ZNF385D: variants seen among roughly 807,000 people sequenced by gnomAD.
ZNF385D encodes the protein zinc finger protein 385D.
ZNF385D carries 15 observed loss-of-function variants against 35.8 expected under a neutral mutation model. The observed-to-expected ratio is 0.42, with a 90% CI of 0.28 to 0.64. The LOEUF (loss-of-function observed/expected upper bound fraction) is 0.64, where lower values mean the gene tolerates loss of function less well. Ranked by LOEUF, ZNF385D falls within the 30% of genes least tolerant of loss-of-function variation. The pLI is 0.23. For missense variants in ZNF385D, 474 were observed against 494.6 expected (o/e 0.96, Z 0.39); for synonymous variants, 212 against 186.8 (o/e 1.13, Z -1.10).
chr3:21,490,749 A>G (rs1173755848), intron 4 of ZNF385D, among the ~76,000 whole-genome samples: 1 of 151,116 alleles, frequency 6.6e-6, no homozygotes, highest in Non-Finnish European at 1.5e-5. Context: ...TTGAAAGGCC[A>G]GCACTTGGGT....
chr3:21,573,614 A>G (rs1158515456), intron 2 of ZNF385D, among the ~76,000 whole-genome samples: 1 of 152,252 alleles, frequency 6.6e-6, no homozygotes, highest in African/African-American at 2.4e-5. Context: ...TACAAAAGTT[A>G]TAAGAAACTC....
chr3:22,219,966 A>T (rs1698152294), intron 2 of ZNF385D, among the ~76,000 whole-genome samples: 2 of 152,022 alleles, frequency 1.3e-5, no homozygotes, highest in South Asian at 2.1e-4. Context: ...TTATTTTCTA[A>T]TTAACTTTCA....
chr3:21,953,363 A>C (rs943901784), intron 3 of ZNF385D, among the ~76,000 whole-genome samples: 1 of 151,906 alleles, frequency 6.6e-6, no homozygotes, highest in South Asian at 2.1e-4. Context: ...AATTGACTGG[A>C]TCTTTGAATT....
chr3:22,020,309 A>G (rs2125453990), intron 3 of ZNF385D, among the ~76,000 whole-genome samples: 1 of 152,056 alleles, frequency 6.6e-6, no homozygotes, highest in East Asian at 1.9e-4. Context: ...GCATGTATAG[A>G]TTTCAAGTAT....
At chr3:21,830,338 G>A (rs956409799) in intron 3 of ZNF385D, among the ~76,000 whole-genome samples, 1 of 152,182 alleles carries the variant, frequency 6.6e-6, no homozygotes, top group African/African-American at 2.4e-5. Context: ...TTGATGAGCT[G>A]TTTGGATGAA....
intron 3 of ZNF385D, among the ~76,000 whole-genome samples, chr3:21,995,427 G>A (rs1695403004): frequency 6.6e-6 from 1 of 152,098 alleles, no homozygotes; most frequent in African/African-American, 2.4e-5. Flanking sequence ...TTTATCCCCA[G>A]GATCTCAGAT....
chr3:22,182,886 GTTATAT>G lies in ZNF385D; in HGVS notation c.107-13857_107-13852del, dbSNP rs536270266. 8.5e-4 allele frequency among the ~76,000 whole-genome samples: 129 copies of G among 151,898 alleles called. 1 individual carries two copies. In the Middle Eastern group the frequency reaches 0.01, roughly 12 times the overall value. ...TGTAGGAGACTTTAGTAAATGTTTTGTTATATTTATATTTTGCAAATGCATTATATT... is the reference window on the plus strand; with the variant it reads ...TGTAGGAGACTTTAGTAAATGTTTTGTTATATTTTGCAAATGCATTATATT... On this transcript the variant is annotated intron_variant, in intron 2 of 5. Transcript: ENST00000494108.
chr3:22,079,875 TC>T (rs1422235069), intron 3 of ZNF385D, among the ~76,000 whole-genome samples: 1 of 151,932 alleles, frequency 6.6e-6, no homozygotes, highest in Non-Finnish European at 1.5e-5. Context: ...TTAATTTAGG[TC>T]CTTAGAGATT....
At chr3:22,299,872 T>C (rs1702802895) in intron 2 of ZNF385D, among the ~76,000 whole-genome samples, 1 of 151,850 alleles carries the variant, frequency 6.6e-6, no homozygotes, top group Admixed American at 6.6e-5. Flanking sequence ...ATATTGTTGC[T>C]AAAATGTTCA....
At chr3:22,270,875 T>G (rs1441403204) in intron 2 of ZNF385D, among the ~76,000 whole-genome samples, 3 of 152,084 alleles carry the variant, frequency 2.0e-5, no homozygotes, top group Admixed American at 2.0e-4. Flanking sequence ...CCTTTGCAAT[T>G]CTGAAATAAA....
chr3:21,940,854 T>A (rs1002760615), intron 3 of ZNF385D, among the ~76,000 whole-genome samples: 2 of 152,162 alleles, frequency 1.3e-5, no homozygotes, highest in African/African-American at 4.8e-5. Context: ...ACAGAAATAG[T>A]TTTGAATACT....
intron 3 of ZNF385D, among the ~76,000 whole-genome samples, chr3:21,861,757 T>G (rs1697066021): frequency 6.6e-6 from 1 of 152,160 alleles, no homozygotes; most frequent in South Asian, 2.1e-4. Context: ...AGATGGAATC[T>G]GCTTTGTCTT....
At chr3:22,101,970 T>A (rs1451157810) in intron 3 of ZNF385D, among the ~76,000 whole-genome samples, 1 of 151,300 alleles carries the variant, frequency 6.6e-6, no homozygotes, top group Non-Finnish European at 1.5e-5. Context: ...TTTCATAGGA[T>A]CTAGTATCCT....
intron 4 of ZNF385D, among the ~76,000 whole-genome samples, chr3:21,493,545 A>C (rs375184259): frequency 5.9e-5 from 9 of 152,238 alleles, no homozygotes; most frequent in Admixed American, 3.9e-4. Context: ...TTTAAGTAAC[A>C]CTATATACTG....
At chr3:21,938,827 A>T (rs1701381158) in intron 3 of ZNF385D, among the ~76,000 whole-genome samples, 1 of 151,864 alleles carries the variant, frequency 6.6e-6, no homozygotes, top group African/African-American at 2.4e-5. Flanking sequence ...CACTCCTTCT[A>T]CTCTTTCTTA....
intron 3 of ZNF385D, among the ~76,000 whole-genome samples, chr3:22,120,884 C>G (rs1703057702): frequency 6.6e-6 from 1 of 152,066 alleles, no homozygotes; most frequent in African/African-American, 2.4e-5. Flanking sequence ...AAAACAATGA[C>G]TTTTAATGGC....
At chr3:22,207,061 A>G (rs1253852948) in intron 2 of ZNF385D, among the ~76,000 whole-genome samples, 1 of 151,958 alleles carries the variant, frequency 6.6e-6, no homozygotes, top group African/African-American at 2.4e-5. Flanking sequence ...AAAATCAGAG[A>G]TGAAAAAGAC....
chr3:21,528,028 T>C (rs1052805867), intron 3 of ZNF385D, among the ~76,000 whole-genome samples: 1 of 152,182 alleles, frequency 6.6e-6, no homozygotes. Flanking sequence ...AACACAGTGT[T>C]TAAATAACTT....
At chr3:21,771,202 C>T (rs1363804677) in intron 3 of ZNF385D, among the ~76,000 whole-genome samples, 1 of 151,484 alleles carries the variant, frequency 6.6e-6, no homozygotes, top group Non-Finnish European at 1.5e-5. Context: ...GACAAACCTG[C>T]ACGTTGTGGA....
Sources: gnomAD v4.1 joint callset for allele counts (sites outside exome capture counted in the v4.1 genomes callset) on GRCh38, gnomAD v4.1.1 for gene constraint, MANE v1.5 for transcripts, NCBI Gene and HGNC (gene_info 2026-07-23, HGNC 2026-07-21) for gene names.